The following SLC1A1 variants were observed in gnomAD, a reference collection of about 807,000 sequenced individuals.
SLC1A1 encodes solute carrier family 1 member 1, also known as excitatory amino acid transporter 3.
A neutral mutation model predicts 53.3 loss-of-function variants in SLC1A1; 43 were observed. The observed-to-expected ratio is 0.81, with a 90% confidence interval of 0.63 to 1.04. The LOEUF (loss-of-function observed/expected upper bound fraction) is 1.04. Ranked by LOEUF, SLC1A1 falls within the 50% of genes least tolerant of loss-of-function variation. The pLI, the probability that SLC1A1 is intolerant of heterozygous loss-of-function variation, is 0.00. For synonymous variants in SLC1A1, 307 were observed against 243.2 expected, an observed-to-expected ratio of 1.26 and a Z score of -2.44; for missense variants, 748 against 664.9, an observed-to-expected ratio of 1.12 and a Z score of -1.37.
intron 1 of SLC1A1, among the ~76,000 whole-genome samples, chr9:4,517,894 A>G (rs17812250): frequency 0.22 from 33,434 of 151,916 alleles, 4,345 homozygotes; most frequent in Admixed American, 0.32. Context: ...CTTTGATGTC[A>G]ACTGAAAATT....
In SLC1A1 at chr9:4,490,959, A is replaced by T. The variant is rs74907704; in HGVS notation, c.91+189A>T. 8.5e-3 allele frequency among the ~76,000 whole-genome samples: 1,296 copies of T among 152,296 alleles called. 21 individuals carry two copies. Among genetic ancestry groups the T allele is most frequent in the African/African-American group, 0.03 (1,243 of 41,572 alleles). ...GCTCTAATTACTGCACACCAAGAAC[A>T]AAGCTCCTCTGGGACTCCCATTTGA... is the stretch of plus-strand genomic sequence containing the variant. On this transcript the variant is annotated intron_variant, in intron 1 of 11. Transcript: ENST00000262352.
At chr9:4,555,780 A>AATCTGGT (rs1475101428) in intron 2 of SLC1A1, among the ~76,000 whole-genome samples, 1 of 152,098 alleles carries the variant, frequency 6.6e-6, no homozygotes, top group Non-Finnish European at 1.5e-5. Flanking sequence ...TGCTCATCTC[A>AATCTGGT]ATCTGGTGAC....
chr9:4,557,503 T>A (rs1818523621), intron 2 of SLC1A1, among the ~76,000 whole-genome samples: 4 of 152,110 alleles, frequency 2.6e-5, no homozygotes. Context: ...TAATTAAAAC[T>A]GGCCAGGTGT....
chr9:4,511,321 T>C (rs1012292436), intron 1 of SLC1A1, among the ~76,000 whole-genome samples: 2 of 152,190 alleles, frequency 1.3e-5, no homozygotes, highest in Non-Finnish European at 2.9e-5. Flanking sequence ...TGATGCCTTC[T>C]AGCTGTTTCC....
chr9:4,566,197 G>T, intron 5 of SLC1A1, 108 bp downstream of exon 5: 2 of 999,232 alleles, frequency 2.0e-6, no homozygotes, highest in Non-Finnish European at 3.2e-6. Context: ...CGTGAAAATG[G>T]CAGCAGGAAG....
At chr9:4,573,526 C>G (rs148697720) in intron 7 of SLC1A1, among the ~76,000 whole-genome samples, 1 of 152,074 alleles carries the variant, frequency 6.6e-6, no homozygotes, top group African/African-American at 2.4e-5. Flanking sequence ...AACAGATGAC[C>G]GTGGCTAGAA....
rs568339006 is a variant in SLC1A1 at position 4,537,535 on chromosome 9, C to T, written c.92-7032C>T. On this transcript the variant is annotated intron_variant, in intron 1 of 11. Transcript: ENST00000262352. The stretch of plus-strand genomic sequence containing the variant: ...GATTGCGCCACTGCAGTCCACAGTC[C>T]GGCCTGGGCGACAGAGCGAGACTCC... 1.3e-4 allele frequency among the ~76,000 whole-genome samples: 5 copies of T among 39,094 alleles called. 1 individual carries two copies. Among genetic ancestry groups the T allele is most frequent in the South Asian group, 4.1e-4 (1 of 2,448 alleles). 25.6% of individuals were successfully genotyped at this position (39,094 alleles called of 152,430 possible). A position where few individuals can be genotyped will look rare whatever the true frequency, so the allele number is the denominator to read the frequency against.
At chr9:4,541,808 G>T (rs1000207574) in intron 1 of SLC1A1, among the ~76,000 whole-genome samples, 1 of 152,114 alleles carries the variant, frequency 6.6e-6, no homozygotes, top group Non-Finnish European at 1.5e-5. Flanking sequence ...CCTGGCCTGC[G>T]TACTCCCAGA....
intron 1 of SLC1A1, among the ~76,000 whole-genome samples, chr9:4,518,950 AATG>A (rs1815962116): frequency 1.3e-5 from 2 of 152,240 alleles, no homozygotes; most frequent in South Asian, 4.1e-4. Context: ...CTAGAAAATA[AATG>A]ATGAGTGGTT....
intron 3 of SLC1A1, among the ~76,000 whole-genome samples, chr9:4,562,175 G>A (rs1819020062): frequency 6.8e-6 from 1 of 147,362 alleles, no homozygotes; most frequent in South Asian, 2.2e-4. Context: ...GGGTTCAAAT[G>A]ATTCTCCTGC....
intron 11 of SLC1A1, among the ~76,000 whole-genome samples, chr9:4,584,337 T>C (rs1285148039): frequency 1.3e-5 from 2 of 152,212 alleles, no homozygotes; most frequent in African/African-American, 2.4e-5. Flanking sequence ...TATCCTATCA[T>C]TGAGTCAAGA....
chr9:4,527,765 A>C (rs148722153), intron 1 of SLC1A1, among the ~76,000 whole-genome samples: 137 of 152,168 alleles, frequency 9.0e-4, no homozygotes, highest in African/African-American at 3.1e-3. Context: ...ACCGTTTTGA[A>C]GCCATACTAT....
At chr9:4,509,396 A>G (rs1244159643) in intron 1 of SLC1A1, among the ~76,000 whole-genome samples, 9 of 152,170 alleles carry the variant, frequency 5.9e-5, no homozygotes, top group Middle Eastern at 6.8e-3. Flanking sequence ...ATGGTGAGGC[A>G]CCCAGGGATG....
intron 8 of SLC1A1, 124 bp downstream of exon 8, chr9:4,574,138 G>C (rs1379181478): frequency 1.3e-6 from 1 of 748,952 alleles, no homozygotes; most frequent in East Asian, 2.6e-5. Context: ...ATAGGGTTCA[G>C]AGATAAGACA....
intron 1 of SLC1A1, among the ~76,000 whole-genome samples, chr9:4,533,265 TG>T (rs1333079185): frequency 1.3e-5 from 2 of 152,152 alleles, no homozygotes; most frequent in Non-Finnish European, 2.9e-5. Flanking sequence ...AGACACAGAC[TG>T]GCAAATTGGA....
At position 4,505,173 on chromosome 9, in the gene SLC1A1, A is replaced by G. The variant is rs377583795; in HGVS notation, c.91+14403A>G. On this transcript the variant is annotated intron_variant, in intron 1 of 11. Coordinates refer to ENST00000262352, the MANE Select transcript of SLC1A1 (RefSeq NM_004170.6). The stretch of plus-strand genomic sequence containing the variant: ...GCGATTCTCCTGCCTCAGCCTCCCA[A>G]GTAGCTGGGATTACAGATGTGCAAC... Among the ~76,000 whole-genome samples the G allele has an allele frequency of 1.5e-4, 23 of 149,678 alleles. 1 individual carries two copies. In the South Asian group the frequency reaches 3.2e-3, roughly 21 times the overall value.
At chr9:4,560,381 G>T (rs1261741483) in intron 2 of SLC1A1, among the ~76,000 whole-genome samples, 1 of 152,142 alleles carries the variant, frequency 6.6e-6, no homozygotes, top group Admixed American at 6.5e-5. Flanking sequence ...GGGTGAGTTT[G>T]TAACAATGTG....
Position 4,522,411 on chromosome 9 carries a change from T to C in SLC1A1, c.92-22156T>C, listed in dbSNP as rs189076899. On this transcript the variant is annotated intron_variant, in intron 1 of 11. Transcript: ENST00000262352. ...AAGGCACATCAAAGTTTAAGAAGCA[T>C]AGATTTACATTATATTCTGTCTATC... Among the ~76,000 whole-genome samples the C allele has an allele frequency of 1.4e-3, 219 of 152,236 alleles. 4 individuals carry two copies. The highest frequency in any genetic ancestry group is 2.1e-3 in the Non-Finnish European group (143 of 68,026).
intron 1 of SLC1A1, among the ~76,000 whole-genome samples, chr9:4,507,758 G>C (rs1820853004): frequency 6.6e-6 from 1 of 152,156 alleles, no homozygotes; most frequent in South Asian, 2.1e-4. Flanking sequence ...CTTGTGGCAG[G>C]TTTAGAAAAT....
Sources: gnomAD v4.1 joint callset for allele counts (sites outside exome capture counted in the v4.1 genomes callset) on GRCh38, gnomAD v4.1.1 for gene constraint, MANE v1.5 for transcripts, NCBI Gene and HGNC (gene_info 2026-07-23, HGNC 2026-07-21) for gene names.